PKD2L1: variants seen among roughly 807,000 people sequenced by gnomAD.
The protein encoded by PKD2L1 is polycystin 2 like 1, transient receptor potential cation channel, also known as polycystin-2-like protein 1.
Under a neutral mutation model 93.0 loss-of-function variants are expected in PKD2L1, and 77 were observed. That is an observed-to-expected ratio of 0.83 (90% CI 0.69 to 1.00). The LOEUF is 1.00. Ranked by LOEUF, PKD2L1 falls within the 50% of genes least tolerant of loss-of-function variation. The pLI is 0.00. For synonymous variants in PKD2L1, 390 were observed against 388.0 expected, an observed-to-expected ratio of 1.01 and a Z score of -0.06; for missense variants, 977 against 990.9, an observed-to-expected ratio of 0.99 and a Z score of 0.19.
At chr10:100,291,542 G>A (rs759460990) in intron 11 of PKD2L1, 115 bp from the exon 12 acceptor site, 277 of 1,021,778 alleles carry the variant, frequency 2.7e-4, no homozygotes, top group Non-Finnish European at 3.8e-4. Flanking sequence ...GGTAAAGAAG[G>A]TTCTCCAAAG....
chr10:100,309,892 T>G (rs979032121), intron 2 of PKD2L1, among the ~76,000 whole-genome samples: 11 of 152,050 alleles, frequency 7.2e-5, no homozygotes, highest in Non-Finnish European at 1.3e-4. Context: ...AACCCTGCAA[T>G]AAATCCCATT....
chr10:100,290,295 C>T, intron 13 of PKD2L1, 106 bp downstream of exon 13: 1 of 1,259,794 alleles, frequency 7.9e-7, no homozygotes, highest in Non-Finnish European at 1.1e-6. Flanking sequence ...CGGAGGTTCT[C>T]CCTGGGGTAG....
intron 2 of PKD2L1, among the ~76,000 whole-genome samples, chr10:100,323,430 G>A (rs554290742): frequency 6.6e-6 from 1 of 152,152 alleles, no homozygotes; most frequent in Admixed American, 6.5e-5. Context: ...CACCACACGC[G>A]ACTAATTTTT....
intron 2 of PKD2L1, among the ~76,000 whole-genome samples, chr10:100,328,031 T>C (rs1849415741): frequency 6.6e-6 from 1 of 152,220 alleles, no homozygotes; most frequent in African/African-American, 2.4e-5. Context: ...GAACAGAGTA[T>C]TGCGGAGCCT....
At chr10:100,305,826 T>G (rs1848786474) in intron 2 of PKD2L1, among the ~76,000 whole-genome samples, 1 of 152,114 alleles carries the variant, frequency 6.6e-6, no homozygotes, top group Non-Finnish European at 1.5e-5. Flanking sequence ...TCTCCCCTTT[T>G]CTTAACCCAC....
chr10:100,294,914 G>A, intron 8 of PKD2L1, 28 bp downstream of exon 8: 1 of 1,592,486 alleles, frequency 6.3e-7, no homozygotes, highest in African/African-American at 1.3e-5. Context: ...GAGGGGCCAG[G>A]GAGGAGTGAA....
Position 100,315,002 on chromosome 10 carries a change from GGAA to G in PKD2L1, c.349+14206_349+14208del, listed in dbSNP as rs1178339814. The stretch of plus-strand genomic sequence containing the variant: ...AGGAAGGAAGGAAGGAAGGAAGGAA[GGAA>G]GGAAGGAAGGGAAGGGAAGGGAAGG... On this transcript the variant is annotated intron_variant, in intron 2 of 15. Coordinates refer to ENST00000318222, the MANE Select transcript of PKD2L1 (RefSeq NM_016112.3). 5.9e-3 allele frequency among the ~76,000 whole-genome samples: 76 copies of G among 12,834 alleles called. 1 individual carries two copies. The highest frequency in any genetic ancestry group is 0.045 in the Middle Eastern group (1 of 22). 8.4% of individuals were successfully genotyped at this position (12,834 alleles called of 152,430 possible). A position where few individuals can be genotyped will look rare whatever the true frequency, so the allele number is the denominator to read the frequency against.
At chr10:100,314,276 A>T (rs1035012813) in intron 2 of PKD2L1, among the ~76,000 whole-genome samples, 1 of 152,196 alleles carries the variant, frequency 6.6e-6, no homozygotes, top group East Asian at 1.9e-4. Flanking sequence ...TTAAAAAAAA[A>T]TCTCAAGAAG....
Position 100,296,241 on chromosome 10 carries a change from G to C in PKD2L1, c.1237C>G (p.Arg413Gly), listed in dbSNP as rs768024243. Residue 413 changes from arginine to glycine, a missense_variant, in exon 7 of 16, where the codon CGG becomes GGG. Coordinates refer to ENST00000318222, the MANE Select transcript of PKD2L1 (RefSeq NM_016112.3). ...FHIFRTLEVNRLMGKLLQQPN... is the reference protein window; with the variant it reads ...FHIFRTLEVNGLMGKLLQQPN... ...TGCTGCAGGAGCTTCCCCATGAGCCGATTCACCTCGAGGGTTCGGAATATG... is the reference window on the plus strand; with the variant it reads ...TGCTGCAGGAGCTTCCCCATGAGCCCATTCACCTCGAGGGTTCGGAATATG... 1 of 1,610,272 alleles carries C rather than the reference G, an allele frequency of 6.2e-7. No individual in the cohort carries two copies. The highest frequency in any genetic ancestry group is 8.5e-7 in the Non-Finnish European group (1 of 1,178,428).
intron 12 of PKD2L1, among the ~76,000 whole-genome samples, chr10:100,291,052 G>C (rs917197849): frequency 6.6e-6 from 1 of 152,194 alleles, no homozygotes; most frequent in Non-Finnish European, 1.5e-5. Context: ...GTTATAAAAA[G>C]TACTGATGTC....
intron 11 of PKD2L1, among the ~76,000 whole-genome samples, 153 bp from the exon 12 acceptor site, chr10:100,291,580 C>T (rs1167608530): frequency 6.6e-6 from 1 of 152,158 alleles, no homozygotes; most frequent in East Asian, 1.9e-4. Flanking sequence ...CAGGAAAACA[C>T]TCAGTTCAGT....
At chr10:100,324,892 C>A (rs1214895728) in intron 2 of PKD2L1, among the ~76,000 whole-genome samples, 1 of 152,194 alleles carries the variant, frequency 6.6e-6, no homozygotes, top group Non-Finnish European at 1.5e-5. Flanking sequence ...GGCACAGCTG[C>A]ATGTCCAACT....
rs548557841 is a variant in PKD2L1, at chr10:100,321,456, T to C, written c.349+7755A>G. On this transcript the variant is annotated intron_variant, in intron 2 of 15. Coordinates refer to ENST00000318222, the MANE Select transcript of PKD2L1 (RefSeq NM_016112.3). ...GCCTGGGTGACAGAGCGAGACTCTG[T>C]CTCAAAAAAAAAAGAAAAGAAAAGA... Among the ~76,000 whole-genome samples, 3 of 142,686 alleles carry C rather than the reference T, an allele frequency of 2.1e-5. No homozygotes were observed. In the South Asian group the frequency reaches 6.7e-4, roughly 32 times the overall value. 93.6% of individuals were successfully genotyped at this position (142,686 alleles called of 152,430 possible).
intron 2 of PKD2L1, among the ~76,000 whole-genome samples, chr10:100,324,916 G>A (rs2133574047): frequency 1.3e-5 from 2 of 152,274 alleles, no homozygotes; most frequent in South Asian, 4.1e-4. Flanking sequence ...CGTCACTCCA[G>A]TTCTTAGAAA....
intron 14 of PKD2L1, 69 bp downstream of exon 14, chr10:100,289,946 C>T: frequency 1.9e-6 from 3 of 1,575,510 alleles, no homozygotes; most frequent in South Asian, 2.2e-5. Context: ...CTTGCCCCAC[C>T]CACTGAGTGG....
At chr10:100,291,071 A>C (rs138237986) in intron 12 of PKD2L1, among the ~76,000 whole-genome samples, 127 of 152,320 alleles carry the variant, frequency 8.3e-4, no homozygotes, top group African/African-American at 2.8e-3. Context: ...TCTAGGCCCC[A>C]CACCCAGAGA....
At chr10:100,296,767 A>T (rs1407852878) in intron 6 of PKD2L1, among the ~76,000 whole-genome samples, 1 of 151,802 alleles carries the variant, frequency 6.6e-6, no homozygotes, top group East Asian at 1.9e-4. Flanking sequence ...CTCAGATGAC[A>T]GGTGAGGAGG....
intron 2 of PKD2L1, among the ~76,000 whole-genome samples, chr10:100,308,941 A>G (rs1372470082): frequency 6.6e-6 from 1 of 152,210 alleles, no homozygotes; most frequent in Admixed American, 6.5e-5. Context: ...TGTTAAACTC[A>G]AAAGATCACC....
At position 100,297,091 on chromosome 10, in the gene PKD2L1, G is replaced by T; in HGVS notation, c.1074C>A (p.Ile358=). ...CATAGTAGAAGATGAAGACGCAGAA[G>T]ATGACCTCACAGCCAACGATAAAGA... The part of the protein sequence containing the change: ...WDFFIVGCEV[I]FCVFIFYYVV... Residue 358 remains isoleucine, a synonymous_variant, in exon 6 of 16, where the codon ATC becomes ATA. Transcript: ENST00000318222. 6.2e-7 allele frequency: 1 copy of T among 1,614,120 alleles called. No homozygotes were observed. Among genetic ancestry groups the T allele is most frequent in the Non-Finnish European group, 8.5e-7 (1 of 1,179,990 alleles).
Sources: allele counts gnomAD v4.1 joint callset (sites outside exome capture counted in the v4.1 genomes callset), GRCh38; gene constraint gnomAD v4.1.1; transcripts MANE v1.5; gene names NCBI Gene and HGNC (gene_info 2026-07-23, HGNC 2026-07-21).